The following CCDC150 variants were observed in gnomAD, a reference collection of about 807,000 sequenced individuals.
CCDC150 encodes coiled-coil domain-containing protein 150.
CCDC150 carries 151 observed loss-of-function variants against 156.5 expected under a neutral mutation model. That is an observed-to-expected ratio of 0.97 (90% confidence interval 0.85 to 1.10). The LOEUF (loss-of-function observed/expected upper bound fraction) is 1.10. Among genes scored for constraint, CCDC150 ranks in the 50% least tolerant of loss-of-function variants. The pLI is 0.00. For synonymous variants in CCDC150, 452 were observed against 429.4 expected (o/e 1.05, Z -0.65); for missense variants, 1,312 against 1,268.1 (o/e 1.03, Z -0.53).
chr2:196,717,946 T>A (rs1469047073), intron 17 of CCDC150, among the ~76,000 whole-genome samples: 3 of 151,922 alleles, frequency 2.0e-5, no homozygotes, highest in Non-Finnish European at 4.4e-5. Flanking sequence ...TTTTGCAACA[T>A]CCTGTGAGCC....
intron 22 of CCDC150, chr2:196,727,513 C>T (rs1027484581): frequency 2.6e-5 from 4 of 152,152 alleles, no homozygotes; most frequent in Non-Finnish European, 4.4e-5. Flanking sequence ...CTGTGTTTCA[C>T]CAAATTTGTT....
intron 1 of CCDC150, among the ~76,000 whole-genome samples, chr2:196,643,019 C>A (rs1002549502): frequency 6.6e-6 from 1 of 152,236 alleles, no homozygotes. Flanking sequence ...GCTGGGACTA[C>A]AGGCATGAGC....
chr2:196,727,442 A>G (rs375620079), intron 22 of CCDC150: 5 of 152,132 alleles, frequency 3.3e-5, no homozygotes, highest in Non-Finnish European at 7.3e-5. Context: ...TCAACCAGAC[A>G]TTAAATGTTG....
At chr2:196,694,106 G>T (rs1432031937) in intron 13 of CCDC150, among the ~76,000 whole-genome samples, 1 of 145,684 alleles carries the variant, frequency 6.9e-6, no homozygotes, top group Non-Finnish European at 1.5e-5. Flanking sequence ...ACCCAGGCTG[G>T]AGTGCAATGG....
At position 196,666,750 on chromosome 2, in the gene CCDC150, T is replaced by C. The variant is rs1693862694; in HGVS notation, c.794T>C (p.Leu265Pro). Residue 265 changes from leucine (L) to proline (P), a missense_variant, in exon 7 of 28, where the codon CTA becomes CCA. Coordinates refer to ENST00000389175, the MANE Select transcript of CCDC150 (RefSeq NM_001080539.2). ...VHILQQNCIA[L>P]RDSIQSAQEL... ...ATTTTGCAGCAAAACTGCATTGCTC[T>C]ACGTGATTCTATACAGAGCGCTCAA... The C allele has an allele frequency of 6.2e-7, 1 of 1,610,884 alleles. No individual in the cohort carries two copies. The highest frequency in any genetic ancestry group is 1.3e-5 in the African/African-American group (1 of 74,680).
chr2:196,646,204 T>C, intron 1 of CCDC150, 137 bp from the exon 2 acceptor site: 1 of 690,470 alleles, frequency 1.4e-6, no homozygotes. Flanking sequence ...CACCTACATT[T>C]AATTGGCCAA....
At chr2:196,664,787 A>G (rs1219044992) in intron 5 of CCDC150, among the ~76,000 whole-genome samples, 1 of 151,368 alleles carries the variant, frequency 6.6e-6, no homozygotes, top group African/African-American at 2.4e-5. Flanking sequence ...CCCCCAGCCA[A>G]TCAGTCATTA....
At chr2:196,698,174 T>C (rs1695944553) in intron 14 of CCDC150, among the ~76,000 whole-genome samples, 1 of 152,216 alleles carries the variant, frequency 6.6e-6, no homozygotes, top group African/African-American at 2.4e-5. Flanking sequence ...GTACAGGGCC[T>C]ATTTAAATCT....
intron 25 of CCDC150, 125 bp from the exon 26 acceptor site, chr2:196,730,734 C>A: frequency 3.0e-6 from 2 of 673,564 alleles, no homozygotes; most frequent in Non-Finnish European, 2.6e-6. Context: ...ATGTCAGTAG[C>A]ACCTGAAGTT....
At chr2:196,665,521 C>A in intron 5 of CCDC150, 46 bp from the exon 6 acceptor site, 1 of 1,118,308 alleles carries the variant, frequency 8.9e-7, no homozygotes, top group Non-Finnish European at 1.3e-6. Context: ...CTTTGTTAAA[C>A]TAGTATGATC....
At chr2:196,685,919 A>G (rs560584368) in intron 13 of CCDC150, among the ~76,000 whole-genome samples, 8 of 152,134 alleles carry the variant, frequency 5.3e-5, no homozygotes, top group Admixed American at 3.9e-4. Flanking sequence ...CAGCCGGTTG[A>G]ATGTTTTTCT....
At chr2:196,670,361 A>G (rs1320954766) in intron 8 of CCDC150, among the ~76,000 whole-genome samples, 2 of 152,060 alleles carry the variant, frequency 1.3e-5, no homozygotes, top group African/African-American at 2.4e-5. Context: ...TTTGGATGCT[A>G]TCTCATCCTG....
chr2:196,700,222 C>T (rs567083827), intron 14 of CCDC150, among the ~76,000 whole-genome samples: 2 of 152,306 alleles, frequency 1.3e-5, no homozygotes, highest in Non-Finnish European at 2.9e-5. Flanking sequence ...AGATTTACTG[C>T]AAATGATCCA....
intron 25 of CCDC150, among the ~76,000 whole-genome samples, chr2:196,730,329 A>C (rs1225833293): frequency 6.6e-6 from 1 of 152,248 alleles, no homozygotes; most frequent in Non-Finnish European, 1.5e-5. Context: ...GTTTAATAAA[A>C]GTAATGTCAA....
intron 2 of CCDC150, among the ~76,000 whole-genome samples, chr2:196,649,987 A>G (rs1692779986): frequency 6.6e-6 from 1 of 152,022 alleles, no homozygotes; most frequent in African/African-American, 2.4e-5. Context: ...GATTTCTTTT[A>G]TTTCTTTTTC....
chr2:196,677,421 G>GT, intron 13 of CCDC150, 60 bp downstream of exon 13: 1 of 1,087,072 alleles, frequency 9.2e-7, no homozygotes, highest in Non-Finnish European at 1.4e-6. Flanking sequence ...GCTGACTACC[G>GT]TATCAGCTTA....
At chr2:196,685,951 T>G (rs1695104185) in intron 13 of CCDC150, among the ~76,000 whole-genome samples, 1 of 152,138 alleles carries the variant, frequency 6.6e-6, no homozygotes, top group Admixed American at 6.6e-5. Context: ...GAATATGTCA[T>G]CCCACTGCCT....
At chr2:196,679,172 A>G (rs1371159559) in intron 13 of CCDC150, among the ~76,000 whole-genome samples, 1 of 152,208 alleles carries the variant, frequency 6.6e-6, no homozygotes, top group African/African-American at 2.4e-5. Flanking sequence ...GTTAATTGTT[A>G]TAATTTACAT....
At chr2:196,731,374 G>A (rs1698510947) in intron 26 of CCDC150, among the ~76,000 whole-genome samples, 1 of 143,606 alleles carries the variant, frequency 7.0e-6, no homozygotes, top group Non-Finnish European at 1.5e-5. Flanking sequence ...GCCTTTTGGG[G>A]GGTATTTCAA....
Sources: gnomAD v4.1 joint callset for allele counts (sites outside exome capture counted in the v4.1 genomes callset) on GRCh38, gnomAD v4.1.1 for gene constraint, MANE v1.5 for transcripts, NCBI Gene and HGNC (gene_info 2026-07-23, HGNC 2026-07-21) for gene names.